MYO5B: variants seen among roughly 807,000 people sequenced by gnomAD.
MYO5B encodes unconventional myosin-Vb.
MYO5B carries 143 observed loss-of-function variants against 229.3 expected under a neutral mutation model. The observed-to-expected ratio is 0.62, with a 90% confidence interval of 0.54 to 0.72. MYO5B has a LOEUF of 0.72. MYO5B is among the 30% of genes least tolerant of loss of function. The pLI, the probability that MYO5B is intolerant of heterozygous loss-of-function variation, is 0.00. For missense variants in MYO5B, 2,321 were observed against 2,331.0 expected, an observed-to-expected ratio of 1.00 and a Z score of 0.09; for synonymous variants, 918 against 885.2, an observed-to-expected ratio of 1.04 and a Z score of -0.66.
intron 1 of MYO5B, among the ~76,000 whole-genome samples, chr18:50,157,745 T>A (rs2032703707): frequency 6.6e-6 from 1 of 152,198 alleles, no homozygotes; most frequent in Non-Finnish European, 1.5e-5. Flanking sequence ...AAACTGATGC[T>A]CTTAACATTT....
Position 49,962,354 on chromosome 18 carries a change from G to T in MYO5B, c.1457C>A (p.Thr486Asn). 2 of 1,614,172 alleles carry T rather than the reference G, an allele frequency of 1.2e-6. No individual in the cohort carries two copies. Among genetic ancestry groups the T allele is most frequent in the Non-Finnish European group, 1.7e-6 (2 of 1,180,038 alleles). The change falls in exon 12 of 40, where the codon ACC becomes AAC. Residue 486 changes from threonine (T) to asparagine (N), a missense_variant. Coordinates refer to ENST00000285039, the MANE Select transcript of MYO5B (RefSeq NM_001080467.3). ...TTGGTTATCATAAAAATCAATCAGGGTCCAAGGGATCTGTTCCTTCATGTA... is the reference window on the plus strand; with the variant it reads ...TTGGTTATCATAAAAATCAATCAGGTTCCAAGGGATCTGTTCCTTCATGTA... The part of the protein sequence containing the change: ...EEYMKEQIPW[T>N]LIDFYDNQPC...
chr18:49,990,269 T>C (rs2025915014), intron 7 of MYO5B, among the ~76,000 whole-genome samples, 170 bp downstream of exon 7: 1 of 152,166 alleles, frequency 6.6e-6, no homozygotes, highest in Non-Finnish European at 1.5e-5. Flanking sequence ...CAATTAACCC[T>C]CTTTTACTAA....
chr18:50,077,502 A>ACAAACACAC (rs2031114450), intron 1 of MYO5B, among the ~76,000 whole-genome samples: 3 of 133,518 alleles, frequency 2.2e-5, no homozygotes, highest in Non-Finnish European at 5.0e-5. Context: ...CACACACACA[A>ACAAACACAC]ACACACACAC....
At chr18:49,908,607 T>C (rs941946720) in intron 18 of MYO5B, among the ~76,000 whole-genome samples, 1 of 152,182 alleles carries the variant, frequency 6.6e-6, no homozygotes, top group African/African-American at 2.4e-5. Flanking sequence ...ACACACATCC[T>C]TGTGCTCCGT....
intron 6 of MYO5B, among the ~76,000 whole-genome samples, chr18:49,991,856 A>T (rs892164129): frequency 6.6e-6 from 1 of 152,200 alleles, no homozygotes; most frequent in African/African-American, 2.4e-5. Context: ...CACTTATTTG[A>T]AAAGAAAACT....
rs369552247 is a variant in MYO5B at position 49,958,527 on chromosome 18, T to C, written c.1545+3739A>G. Among the ~76,000 whole-genome samples the C allele has an allele frequency of 1.8e-4, 28 of 152,250 alleles. No homozygotes were observed. The East Asian group carries it at 5.2e-3, about 28-fold the overall frequency. On this transcript the variant is annotated intron_variant, in intron 12 of 39. Transcript: ENST00000285039. Reference sequence around the variant, plus strand: ...AGAAACTCATCTGCACCCACAGCCATCCCACCTTTCTGTCCTTCTCATGGA... The same window carrying C: ...AGAAACTCATCTGCACCCACAGCCACCCCACCTTTCTGTCCTTCTCATGGA...
chr18:49,888,724 C>T lies in MYO5B; in HGVS notation c.3045+6217G>A, dbSNP rs916875996. On this transcript the variant is annotated intron_variant, in intron 22 of 39. Transcript: ENST00000285039. ...CCAGCTCCTCTCCCCAGCCTCTTCC[C>T]GCCCTCCAGGATCTGCCTGAATGTT... Among the ~76,000 whole-genome samples the T allele has an allele frequency of 8.5e-5, 13 of 152,216 alleles. No homozygotes were observed. The East Asian group carries it at 1.2e-3, about 13-fold the overall frequency.
intron 12 of MYO5B, among the ~76,000 whole-genome samples, chr18:49,956,992 G>A (rs1242867419): frequency 6.6e-6 from 1 of 151,916 alleles, no homozygotes; most frequent in Admixed American, 6.6e-5. Flanking sequence ...ACTGTGGTTG[G>A]TAATGGATGC....
At chr18:49,851,080 T>C (rs1418017804) in intron 31 of MYO5B, 2 of 152,212 alleles carry the variant, frequency 1.3e-5, no homozygotes, top group Non-Finnish European at 2.9e-5. Flanking sequence ...AAACCTTCAC[T>C]ACACCCTGGG....
intron 4 of MYO5B, among the ~76,000 whole-genome samples, chr18:50,021,231 C>T (rs529120161): frequency 3.9e-5 from 6 of 152,316 alleles, no homozygotes; most frequent in African/African-American, 1.2e-4. Flanking sequence ...GAAAACCTCC[C>T]ACTGGATGGA....
chr18:50,003,996 A>T (rs1194740136), intron 4 of MYO5B, among the ~76,000 whole-genome samples: 2 of 152,180 alleles, frequency 1.3e-5, no homozygotes, highest in East Asian at 3.9e-4. Context: ...CCCAGTTGAC[A>T]GGTTACACTC....
chr18:49,931,804 T>C (rs2025196027), intron 16 of MYO5B, among the ~76,000 whole-genome samples: 1 of 152,178 alleles, frequency 6.6e-6, no homozygotes, highest in South Asian at 2.1e-4. Flanking sequence ...AGCCAGGCCC[T>C]GCAGCATGAA....
At chr18:50,055,498 C>T in intron 1 of MYO5B, 120 bp from the exon 2 acceptor site, 1 of 753,104 alleles carries the variant, frequency 1.3e-6, no homozygotes, top group Admixed American at 2.0e-5. Context: ...CACACATCTC[C>T]CCACCTTCTC....
intron 1 of MYO5B, among the ~76,000 whole-genome samples, chr18:50,058,210 T>C (rs549144287): frequency 1.1e-3 from 170 of 152,354 alleles, no homozygotes; most frequent in African/African-American, 3.9e-3. Context: ...CTCATGCCTA[T>C]CATTCCAGCA....
At chr18:50,098,276 T>A (rs771599475) in intron 1 of MYO5B, among the ~76,000 whole-genome samples, 90 of 152,304 alleles carry the variant, frequency 5.9e-4, no homozygotes, top group South Asian at 1.2e-3. Flanking sequence ...GGTTTTTTTT[T>A]ATCTTATAGG....
In MYO5B at chr18:49,954,024, ATGTGTGTGTGTGTGTGTGTGTGTG is replaced by A. The variant is rs766610907; in HGVS notation, c.1668+265_1668+288del. Among the ~76,000 whole-genome samples, 29 of 51,140 alleles carry A rather than the reference ATGTGTGTGTGTGTGTGTGTGTGTG, an allele frequency of 5.7e-4. 1 individual carries two copies. The East Asian group carries it at 7.9e-3, about 14-fold the overall frequency. 33.5% of individuals were successfully genotyped at this position (51,140 alleles called of 152,430 possible). On this transcript the variant is annotated intron_variant, in intron 13 of 39. Coordinates refer to ENST00000285039, the MANE Select transcript of MYO5B (RefSeq NM_001080467.3). ...GACATATATGTGTGTATGTATTTAT[ATGTGTGTGTGTGTGTGTGTGTGTG>A]TGTGTGTGTGTGTGTGTGTGTGTAT...
intron 2 of MYO5B, among the ~76,000 whole-genome samples, chr18:50,044,030 T>A (rs1037798327): frequency 2.0e-5 from 3 of 152,002 alleles, no homozygotes; most frequent in Admixed American, 1.3e-4. Context: ...CAAAAACCTA[T>A]GGCAATAAAA....
intron 4 of MYO5B, among the ~76,000 whole-genome samples, chr18:50,035,081 A>G (rs1420635968): frequency 6.6e-6 from 1 of 152,168 alleles, no homozygotes; most frequent in African/African-American, 2.4e-5. Context: ...AAATAACCCA[A>G]TTGTAGGATA....
chr18:50,121,548 T>A (rs746034772), intron 1 of MYO5B, among the ~76,000 whole-genome samples: 1 of 134,242 alleles, frequency 7.4e-6, no homozygotes, highest in Non-Finnish European at 1.6e-5. Flanking sequence ...AGGATTCAGT[T>A]TGATATTTTT....
Sources: allele counts gnomAD v4.1 joint callset (sites outside exome capture counted in the v4.1 genomes callset), GRCh38; gene constraint gnomAD v4.1.1; transcripts MANE v1.5; gene names NCBI Gene and HGNC (gene_info 2026-07-23, HGNC 2026-07-21).